Variants in HEPACAM2 observed in about 807,000 individuals in gnomAD.
HEPACAM2 encodes the protein HEPACAM family member 2.
A neutral mutation model predicts 49.6 loss-of-function variants in HEPACAM2; 49 were observed. The ratio of observed to expected loss-of-function variants is 0.99; its 90% CI spans 0.78 to 1.25. The LOEUF (loss-of-function observed/expected upper bound fraction) is 1.25. Ranked by LOEUF, HEPACAM2 falls within the 50% of genes most tolerant of loss-of-function variation. The pLI, the probability that HEPACAM2 is intolerant of heterozygous loss-of-function variation, is 0.00. For missense variants in HEPACAM2, 525 were observed against 557.2 expected, an observed-to-expected ratio of 0.94 and a Z score of 0.58; for synonymous variants, 197 against 202.9, an observed-to-expected ratio of 0.97 and a Z score of 0.25.
intron 1 of HEPACAM2, among the ~76,000 whole-genome samples, chr7:93,224,080 A>G (rs887635217): frequency 6.6e-6 from 1 of 152,154 alleles, no homozygotes; most frequent in Admixed American, 6.6e-5. Flanking sequence ...GACTAAACCT[A>G]TTGATTTTAG....
chr7:93,221,173 A>T (rs766330433), intron 1 of HEPACAM2, among the ~76,000 whole-genome samples: 2 of 152,196 alleles, frequency 1.3e-5, no homozygotes. Flanking sequence ...GGAAATGTTG[A>T]TGAGGCAGAA....
chr7:93,210,434 T>A (rs1481182995), intron 3 of HEPACAM2, among the ~76,000 whole-genome samples: 1 of 151,980 alleles, frequency 6.6e-6, no homozygotes, highest in Non-Finnish European at 1.5e-5. Context: ...TTCACATTAC[T>A]TCTCTAAAAA....
intron 4 of HEPACAM2, among the ~76,000 whole-genome samples, chr7:93,203,495 G>A (rs1793947351): frequency 6.6e-6 from 1 of 151,994 alleles, no homozygotes; most frequent in Non-Finnish European, 1.5e-5. Context: ...CTGCAGTTCT[G>A]GACACCTGCA....
intron 7 of HEPACAM2, among the ~76,000 whole-genome samples, chr7:93,196,222 G>A (rs1160386167): frequency 6.6e-6 from 1 of 152,110 alleles, no homozygotes; most frequent in Non-Finnish European, 1.5e-5. Context: ...GGTCACCAGG[G>A]TTTAAGCCTG....
chr7:93,208,666 T>G lies in HEPACAM2; in HGVS notation c.926A>C (p.Lys309Thr), dbSNP rs1184790847. The G allele has an allele frequency of 6.2e-7, 1 of 1,613,262 alleles. No individual in the cohort carries two copies. The highest frequency in any genetic ancestry group is 8.5e-7 in the Non-Finnish European group (1 of 1,179,442). The change falls in exon 4 of 10, where the codon AAG becomes ACG. Residue 309 changes from lysine to threonine, a missense_variant. Transcript: ENST00000394468. ...AGCACAGCACACATAGTCCATTGTCTTCTGGGCTACTTTCTCAGATGCAAC... is the reference window on the plus strand; with the variant it reads ...AGCACAGCACACATAGTCCATTGTCGTCTGGGCTACTTTCTCAGATGCAAC... ...LEVASEKVAQKTMDYVCCAYN... is the reference protein window; with the variant it reads ...LEVASEKVAQTTMDYVCCAYN...
At chr7:93,193,729 G>A (rs374195339) in intron 8 of HEPACAM2, among the ~76,000 whole-genome samples, 2 of 152,038 alleles carry the variant, frequency 1.3e-5, no homozygotes, top group East Asian at 1.9e-4. Flanking sequence ...GCACACCGTG[G>A]CACCTAGCTT....
Position 93,219,306 on chromosome 7 carries a change from T to A in HEPACAM2, c.225A>T (p.Thr75=). Residue 75 remains threonine (T), a synonymous_variant, in exon 2 of 10, where the codon ACA becomes ACT. Coordinates refer to ENST00000394468, the MANE Select transcript of HEPACAM2 (RefSeq NM_001039372.4). ...QIIWLFERPH[T]MPKYLLGSVN... The stretch of plus-strand genomic sequence containing the variant: ...CAGAGCCCAGTAAGTATTTGGGCAT[T>A]GTGTGGGGTCTCTCAAATAGCCATA... 1 of 1,613,962 alleles carries A rather than the reference T, an allele frequency of 6.2e-7. No individual in the cohort carries two copies.
chr7:93,206,411 G>A (rs1484666877), intron 4 of HEPACAM2, among the ~76,000 whole-genome samples: 1 of 151,978 alleles, frequency 6.6e-6, no homozygotes, highest in South Asian at 2.1e-4. Flanking sequence ...TTCTTAGTGC[G>A]TACTCCAATA....
At chr7:93,215,347 T>A (rs1163550731) in intron 3 of HEPACAM2, 54 bp downstream of exon 3, 1 of 1,507,148 alleles carries the variant, frequency 6.6e-7, no homozygotes, top group African/African-American at 1.4e-5. Context: ...TCCTGGGAGA[T>A]ATTCTCAGAA....
chr7:93,219,370 T>C lies in HEPACAM2; in HGVS notation c.161A>G (p.His54Arg). The change falls in exon 2 of 10, where the codon CAC becomes CGC. Residue 54 changes from histidine (H) to arginine (R), a missense_variant. Coordinates refer to ENST00000394468, the MANE Select transcript of HEPACAM2 (RefSeq NM_001039372.4). ...VRGQALYLPV[H>R]YGFHTPASDI... ...TGATGCTGGAGTGTGGAAGCCATAG[T>C]GGACGGGTAGGTAGAGGGCCTGACC... The C allele has an allele frequency of 6.2e-7, 1 of 1,613,982 alleles. No homozygotes were observed. The highest frequency in any genetic ancestry group is 8.5e-7 in the Non-Finnish European group (1 of 1,179,934).
chr7:93,215,742 C>A lies in HEPACAM2; in HGVS notation c.431-57G>T, dbSNP rs1298292381. On this transcript the variant is annotated intron_variant, in intron 2 of 9. Coordinates refer to ENST00000394468, the MANE Select transcript of HEPACAM2 (RefSeq NM_001039372.4). ...TTCTTTTCATGGAAATATAATAAAA[C>A]CCTATGAGGTCTTTCAAATATGAAC... 8 of 1,530,952 alleles carry A rather than the reference C, an allele frequency of 5.2e-6. No homozygotes were observed. The African/African-American group carries it at 5.5e-5, about 11-fold the overall frequency. The allele number at this position is 1,530,952 out of a possible 1,614,324, so 94.8% of individuals were successfully genotyped here. A position where few individuals can be genotyped will look rare whatever the true frequency, so the allele number is the denominator to read the frequency against.
Position 93,195,841 on chromosome 7 carries a change from G to A in HEPACAM2, c.1262C>T (p.Ser421Phe), listed in dbSNP as rs1793702914. 1 of 1,612,814 alleles carries A rather than the reference G, an allele frequency of 6.2e-7. No individual in the cohort carries two copies. The highest frequency in any genetic ancestry group is 1.1e-5 in the South Asian group (1 of 91,036). ...IYEFVAFPDVSGVSRIPSRSV... is the reference protein window; with the variant it reads ...IYEFVAFPDVFGVSRIPSRSV... ...AGGAAAACCAACCCTGGAAACACCA[G>A]AAACATCTGGAAAAGCAACAAATTC... Residue 421 changes from serine (S) to phenylalanine (F), a missense_variant, in exon 8 of 10, where the codon TCT becomes TTT. Transcript: ENST00000394468.
At position 93,189,272 on chromosome 7, in the gene HEPACAM2, T is replaced by C; in HGVS notation, c.1386-2A>G. On this transcript the variant is annotated splice_acceptor_variant, in intron 9 of 9. Transcript: ENST00000394468. LOFTEE classifies it high-confidence loss of function. Reference sequence around the variant, plus strand: ...ACTGTTTAGCCCATGAAAGTTCACCTAGTGAAGAGATATACAAAATATGTA... The same window carrying C: ...ACTGTTTAGCCCATGAAAGTTCACCCAGTGAAGAGATATACAAAATATGTA... The C allele has an allele frequency of 6.3e-7, 1 of 1,593,836 alleles. No homozygotes were observed. The highest frequency in any genetic ancestry group is 8.6e-7 in the Non-Finnish European group (1 of 1,168,324).
chr7:93,201,469 C>T (rs1443945616), intron 4 of HEPACAM2, among the ~76,000 whole-genome samples: 1 of 151,918 alleles, frequency 6.6e-6, no homozygotes, highest in Non-Finnish European at 1.5e-5. Flanking sequence ...GTTAGTTATA[C>T]ATTTTTATTT....
In HEPACAM2 at chr7:93,219,184, T is replaced by A; in HGVS notation, c.347A>T (p.Asp116Val). 1 of 1,613,988 alleles carries A rather than the reference T, an allele frequency of 6.2e-7. No individual in the cohort carries two copies. Among genetic ancestry groups the A allele is most frequent in the Middle Eastern group, 1.6e-4 (1 of 6,062 alleles). ...GACCTTCACGATGTAATTGCCTTCA[T>A]CAGGGAACTGCAGTGGGTTGATAAG... ...SLLINPLQFP[D>V]EGNYIVKVNI... The change falls in exon 2 of 10, where the codon GAT (aspartate) becomes GTT (valine). Residue 116 changes from aspartate to valine, a missense_variant. By Grantham distance (152) the Asp-to-Val change is radical. Transcript: ENST00000394468.
intron 2 of HEPACAM2, among the ~76,000 whole-genome samples, chr7:93,218,544 C>A (rs1489280050): frequency 3.9e-5 from 6 of 152,052 alleles, no homozygotes; most frequent in Non-Finnish European, 8.8e-5. Flanking sequence ...GTGTAGAGAT[C>A]AAAAATCAGA....
At chr7:93,193,216 G>A (rs146121392) in intron 8 of HEPACAM2, among the ~76,000 whole-genome samples, 1,745 of 152,116 alleles carry the variant, frequency 0.011, 12 homozygotes, top group South Asian at 0.026. Context: ...TGACCTGCTA[G>A]GTTTTAGTGG....
upstream of HEPACAM2, among the ~76,000 whole-genome samples, chr7:93,228,885 G>GTA: frequency 6.6e-6 from 1 of 152,016 alleles, no homozygotes; most frequent in East Asian, 1.9e-4. Context: ...GTGTGTGTGT[G>GTA]TGTATGTGTG....
upstream of HEPACAM2, among the ~76,000 whole-genome samples, chr7:93,230,305 C>T (rs559351621): frequency 6.5e-4 from 99 of 152,270 alleles, 1 homozygote; most frequent in South Asian, 0.019. Flanking sequence ...TATGTGGTCT[C>T]GAACCCTTAT....
Sources: allele counts gnomAD v4.1 joint callset (sites outside exome capture counted in the v4.1 genomes callset), GRCh38; gene constraint gnomAD v4.1.1; transcripts MANE v1.5; gene names NCBI Gene and HGNC (gene_info 2026-07-23, HGNC 2026-07-21).